Variants in SPIN1 observed in about 807,000 individuals in gnomAD.
SPIN1 encodes spindlin 1.
In SPIN1, 3 loss-of-function variants were observed where a neutral mutation model predicts 26.0. The ratio of observed to expected loss-of-function variants is 0.12; its 90% CI spans 0.05 to 0.30. The LOEUF is 0.30. Ranked by LOEUF, SPIN1 falls within the 10% of genes least tolerant of loss-of-function variation. SPIN1 has a pLI of 1.00. For missense variants in SPIN1, 126 were observed against 333.4 expected, an observed-to-expected ratio of 0.38 and a Z score of 4.84; for synonymous variants, 101 against 116.5, an observed-to-expected ratio of 0.87 and a Z score of 0.86.
chr9:88,448,252 C>T (rs768415938), intron 2 of SPIN1, among the ~76,000 whole-genome samples: 49 of 152,248 alleles, frequency 3.2e-4, no homozygotes, highest in African/African-American at 5.8e-4. Flanking sequence ...CCATCTTGGC[C>T]GGGCTGGTCT....
intron 1 of SPIN1, among the ~76,000 whole-genome samples, chr9:88,420,439 C>T (rs986485429): frequency 3.3e-5 from 5 of 152,192 alleles, no homozygotes; most frequent in African/African-American, 1.2e-4. Flanking sequence ...GAGTAGCCAA[C>T]TGGGTAGCAC....
intron 2 of SPIN1, among the ~76,000 whole-genome samples, chr9:88,440,030 G>T (rs1828086818): frequency 6.6e-6 from 1 of 151,944 alleles, no homozygotes; most frequent in Non-Finnish European, 1.5e-5. Context: ...TCTGTTCTTT[G>T]CCCTTGTTCT....
intron 2 of SPIN1, among the ~76,000 whole-genome samples, chr9:88,439,657 C>T (rs1255138810): frequency 6.6e-6 from 1 of 152,154 alleles, no homozygotes; most frequent in African/African-American, 2.4e-5. Context: ...TATTTTGATG[C>T]TCCATTTTTA....
chr9:88,392,621 T>C (rs1057442943), intron 1 of SPIN1, among the ~76,000 whole-genome samples: 2 of 150,632 alleles, frequency 1.3e-5, no homozygotes, highest in African/African-American at 2.4e-5. Context: ...CCTTCCTTCT[T>C]TCCTTCCTTC....
intron 3 of SPIN1, among the ~76,000 whole-genome samples, chr9:88,455,307 C>A (rs1294339420): frequency 6.6e-6 from 1 of 152,016 alleles, no homozygotes; most frequent in Non-Finnish European, 1.5e-5. Flanking sequence ...AAATACAAAA[C>A]TAGCCAGGCG....
intron 2 of SPIN1, among the ~76,000 whole-genome samples, chr9:88,441,097 T>C (rs537056252): frequency 1.3e-5 from 2 of 151,880 alleles, no homozygotes; most frequent in Non-Finnish European, 2.9e-5. Flanking sequence ...CAGAAAAACA[T>C]CATTGTGCCT....
intron 1 of SPIN1, among the ~76,000 whole-genome samples, chr9:88,402,327 C>G (rs1212183982): frequency 6.6e-6 from 1 of 152,108 alleles, no homozygotes; most frequent in East Asian, 1.9e-4. Flanking sequence ...GGTAACATTT[C>G]AAGCCTTCTC....
At chr9:88,440,591 T>A (rs567344465) in intron 2 of SPIN1, among the ~76,000 whole-genome samples, 1 of 152,118 alleles carries the variant, frequency 6.6e-6, no homozygotes, top group Non-Finnish European at 1.5e-5. Flanking sequence ...CCTTTTTTTT[T>A]TCTCTGAGAT....
chr9:88,403,680 C>T (rs1425810078), intron 1 of SPIN1, among the ~76,000 whole-genome samples: 1 of 152,132 alleles, frequency 6.6e-6, no homozygotes, highest in East Asian at 1.9e-4. Context: ...TACCGCTGCA[C>T]TTAGCCTGGG....
At chr9:88,456,589 T>C (rs934345653) in intron 3 of SPIN1, among the ~76,000 whole-genome samples, 1 of 152,352 alleles carries the variant, frequency 6.6e-6, no homozygotes, top group South Asian at 2.1e-4. Flanking sequence ...CTTCTTAGCC[T>C]CTGTGCAGCT....
At chr9:88,390,747 A>C (rs1409952156) in intron 1 of SPIN1, among the ~76,000 whole-genome samples, 2 of 152,222 alleles carry the variant, frequency 1.3e-5, no homozygotes, top group Admixed American at 6.5e-5. Flanking sequence ...GGAGTTAGAC[A>C]TGGAATCACA....
chr9:88,462,921 AGGAACTGT>A (rs1224454508), intron 4 of SPIN1, among the ~76,000 whole-genome samples, 172 bp downstream of exon 4: 1 of 152,204 alleles, frequency 6.6e-6, no homozygotes, highest in Non-Finnish European at 1.5e-5. Flanking sequence ...AAGCAGTTCA[AGGAACTGT>A]GTGAGGGATA....
chr9:88,473,661 GCA>G (rs765456778), intron 5 of SPIN1, among the ~76,000 whole-genome samples: 20,643 of 151,790 alleles, frequency 0.14, 1,538 homozygotes, highest in Middle Eastern at 0.2. Context: ...GTGTGTGTGT[GCA>G]CGCGCTATGG....
chr9:88,415,683 A>G (rs1482241376), intron 1 of SPIN1: 2 of 152,124 alleles, frequency 1.3e-5, no homozygotes, highest in East Asian at 1.9e-4. Flanking sequence ...TGGTCTTCCA[A>G]AGTGTTGGGA....
intron 1 of SPIN1, chr9:88,410,793 A>C: frequency 9.6e-7 from 1 of 1,044,602 alleles, no homozygotes; most frequent in Admixed American, 1.7e-5. Context: ...CAAAGCCACC[A>C]TGACCACTGA....
At chr9:88,397,329 T>C (rs1317882790) in intron 1 of SPIN1, among the ~76,000 whole-genome samples, 2 of 152,120 alleles carry the variant, frequency 1.3e-5, no homozygotes, top group Admixed American at 6.6e-5. Context: ...CTAATTACTT[T>C]TGGGCCTCAG....
At chr9:88,400,721 C>T (rs1458054227) in intron 1 of SPIN1, among the ~76,000 whole-genome samples, 1 of 152,108 alleles carries the variant, frequency 6.6e-6, no homozygotes, top group Non-Finnish European at 1.5e-5. Flanking sequence ...TGGCCCATGC[C>T]TTAATCCCAG....
At chr9:88,460,237 C>T (rs956318881) in intron 3 of SPIN1, among the ~76,000 whole-genome samples, 1 of 152,056 alleles carries the variant, frequency 6.6e-6, no homozygotes, top group Non-Finnish European at 1.5e-5. Context: ...ATTCTTTTTA[C>T]TTTTGTCCCC....
At chr9:88,405,869 G>T (rs1424697321) in intron 1 of SPIN1, among the ~76,000 whole-genome samples, 1 of 150,708 alleles carries the variant, frequency 6.6e-6, no homozygotes, top group Non-Finnish European at 1.5e-5. Context: ...ACAGGGTCTC[G>T]CTCTGGCCAA....
Sources: allele counts gnomAD v4.1 joint callset (sites outside exome capture counted in the v4.1 genomes callset), GRCh38; gene constraint gnomAD v4.1.1; transcripts MANE v1.5; gene names NCBI Gene and HGNC (gene_info 2026-07-23, HGNC 2026-07-21).